The following ANKDD1A variants were observed in gnomAD, a reference collection of about 807,000 sequenced individuals.
ANKDD1A encodes the protein ankyrin repeat and death domain-containing protein 1A.
ANKDD1A carries 59 observed loss-of-function variants against 63.5 expected under a neutral mutation model. That is an observed-to-expected ratio of 0.93 (90% CI 0.75 to 1.15). The LOEUF (loss-of-function observed/expected upper bound fraction) is 1.15. Ranked by LOEUF, ANKDD1A falls within the 50% of genes most tolerant of loss-of-function variation. ANKDD1A has a pLI of 0.00. For synonymous variants in ANKDD1A, 266 were observed against 263.9 expected (o/e 1.01, Z -0.08); for missense variants, 632 against 656.4 (o/e 0.96, Z 0.41).
At chr15:64,924,198 G>A (rs149682315) in intron 4 of ANKDD1A, among the ~76,000 whole-genome samples, 1 of 152,350 alleles carries the variant, frequency 6.6e-6, no homozygotes, top group East Asian at 1.9e-4. Flanking sequence ...CTGGGATGGT[G>A]CAGCTGGTTT....
intron 12 of ANKDD1A, 149 bp from the exon 13 acceptor site, chr15:64,947,255 A>G: frequency 1.4e-6 from 1 of 704,944 alleles, no homozygotes; most frequent in South Asian, 2.0e-5. Flanking sequence ...AAACCAGAAG[A>G]GAGGACATTA....
chr15:64,951,772 TCTTTC>T (rs1360048803), intron 14 of ANKDD1A, among the ~76,000 whole-genome samples: 4 of 146,744 alleles, frequency 2.7e-5, no homozygotes, highest in East Asian at 1.9e-4. Context: ...CTTTTCTTCT[TCTTTC>T]CTTTCTTCTT....
intron 6 of ANKDD1A, among the ~76,000 whole-genome samples, chr15:64,927,933 C>G (rs1372422947): frequency 6.6e-6 from 1 of 152,150 alleles, no homozygotes; most frequent in African/African-American, 2.4e-5. Context: ...ATGATGCCTC[C>G]AACAAAGAGA....
chr15:64,947,516 C>A lies in ANKDD1A; in HGVS notation c.1274C>A (p.Pro425His), dbSNP rs1256014198. The A allele has an allele frequency of 2.5e-6, 4 of 1,614,114 alleles. No homozygotes were observed. The South Asian group carries it at 3.3e-5, about 13-fold the overall frequency. ...LWRLASRYLQ[P>H]REWKKLAYSW... ...CGGCTGGCCTCCAGGTATCTGCAGC[C>A]CCGTGAGTGGAAGAAGCTGGCATAT... Residue 425 changes from proline to histidine, a missense_variant, in exon 13 of 15, where the codon CCC (proline) becomes CAC (histidine). Coordinates refer to ENST00000319580, the MANE Select transcript of ANKDD1A (RefSeq NM_182703.6).
intron 3 of ANKDD1A, among the ~76,000 whole-genome samples, chr15:64,920,523 C>T (rs1267274058): frequency 6.6e-6 from 1 of 152,138 alleles, no homozygotes; most frequent in Non-Finnish European, 1.5e-5. Context: ...CAGACTTAAG[C>T]TATCTGCCTT....
intron 14 of ANKDD1A, among the ~76,000 whole-genome samples, chr15:64,955,620 G>A (rs1460418652): frequency 1.3e-5 from 2 of 152,166 alleles, no homozygotes; most frequent in African/African-American, 4.8e-5. Context: ...CCCAGAGGCT[G>A]TTTCTGTCTC....
chr15:64,946,472 A>C (rs2085223985), intron 12 of ANKDD1A, among the ~76,000 whole-genome samples: 2 of 152,218 alleles, frequency 1.3e-5, no homozygotes, highest in Admixed American at 1.3e-4. Context: ...ATATAATCCC[A>C]AAATGTTAAT....
At chr15:64,953,207 CTCCTT>C (rs2085334441) in intron 14 of ANKDD1A, among the ~76,000 whole-genome samples, 3 of 93,434 alleles carry the variant, frequency 3.2e-5, no homozygotes, top group Admixed American at 1.4e-4. Context: ...ATTCTTTCTT[CTCCTT>C]CTTTCTTGTT....
intron 14 of ANKDD1A, chr15:64,951,177 T>C: frequency 9.4e-7 from 1 of 1,061,110 alleles, no homozygotes; most frequent in Non-Finnish European, 1.1e-6. Flanking sequence ...GGCAAATGTT[T>C]GTACACTGAT....
At chr15:64,952,743 TCTTTCCTCTTCTC>T (rs2085319143) in intron 14 of ANKDD1A, among the ~76,000 whole-genome samples, 2 of 96,234 alleles carry the variant, frequency 2.1e-5, no homozygotes, top group Non-Finnish European at 4.5e-5. Flanking sequence ...TCTTCCTCCT[TCTTTCCTCTTCTC>T]CTCCTCCTCC....
intron 9 of ANKDD1A, among the ~76,000 whole-genome samples, chr15:64,937,999 CAG>C (rs1403049010): frequency 2.6e-5 from 4 of 152,054 alleles, no homozygotes; most frequent in Admixed American, 6.5e-5. Context: ...CAAAAGGACA[CAG>C]GGGCCACCAG....
chr15:64,953,631 C>CTTCT (rs2085352127), intron 14 of ANKDD1A, among the ~76,000 whole-genome samples: 1 of 2,224 alleles, frequency 4.5e-4, no homozygotes, highest in African/African-American at 8.5e-4. Flanking sequence ...CTTCTTCTTC[C>CTTCT]TTCTTCTTCC....
At chr15:64,921,392 T>C (rs187901298) in intron 3 of ANKDD1A, among the ~76,000 whole-genome samples, 3 of 152,332 alleles carry the variant, frequency 2.0e-5, no homozygotes, top group African/African-American at 7.2e-5. Context: ...TTGTTTGTTT[T>C]GAGACGAAGT....
intron 1 of ANKDD1A, among the ~76,000 whole-genome samples, chr15:64,912,265 C>T (rs962781325): frequency 1.1e-4 from 17 of 152,180 alleles, no homozygotes; most frequent in African/African-American, 4.1e-4. Flanking sequence ...GTGTGCCAGG[C>T]CTTGACCCAG....
Position 64,931,562 on chromosome 15 carries a change from A to T in ANKDD1A, c.745A>T (p.Ser249Cys), listed in dbSNP as rs2085091510. 1 of 1,613,838 alleles carries T rather than the reference A, an allele frequency of 6.2e-7. No homozygotes were observed. Among genetic ancestry groups the T allele is most frequent in the Admixed American group, 1.7e-5 (1 of 59,996 alleles). ...DCVQLLLRAG[S>C]TVNALTQKNL... The stretch of plus-strand genomic sequence containing the variant: ...TGTGCAGCTCCTCCTCAGGGCTGGG[A>T]GCACCGTGAATGCCCTCACCCAGGT... The change falls in exon 8 of 15, where the codon AGC (serine) becomes TGC (cysteine). Residue 249 changes from serine to cysteine, a missense_variant. Coordinates refer to ENST00000319580, the MANE Select transcript of ANKDD1A (RefSeq NM_182703.6).
chr15:64,952,794 CT>C (rs1491117830), intron 14 of ANKDD1A, among the ~76,000 whole-genome samples: 2 of 96,886 alleles, frequency 2.1e-5, no homozygotes, highest in Non-Finnish European at 4.4e-5. Flanking sequence ...TCTCCTTCTT[CT>C]TTTCTTCTCC....
At chr15:64,925,227 C>CAAAA (rs769786433) in intron 4 of ANKDD1A, among the ~76,000 whole-genome samples, 74 of 42,144 alleles carry the variant, frequency 1.8e-3, no homozygotes, top group Non-Finnish European at 2.6e-3. Context: ...GACTCCGACT[C>CAAAA]AAAAAAAAAA....
At position 64,953,591 on chromosome 15, in the gene ANKDD1A, TCTC is replaced by T. The variant is rs2085348498; in HGVS notation, c.1484-3509_1484-3507del. 8.6e-5 allele frequency among the ~76,000 whole-genome samples: 9 copies of T among 105,098 alleles called. No individual in the cohort carries two copies. In the South Asian group the frequency reaches 3.0e-3, roughly 35 times the overall value. The allele number at this position is 105,098 out of a possible 152,430, so 68.9% of individuals were successfully genotyped here. A position where few individuals can be genotyped will look rare whatever the true frequency, so the allele number is the denominator to read the frequency against. On this transcript the variant is annotated intron_variant, in intron 14 of 14. Transcript: ENST00000319580. ...CTTCTTCTTAGTTCTTCTTCTTCCT[TCTC>T]CTTTTCTTCTTTCTTCTCTCCTTCT... is the stretch of plus-strand genomic sequence containing the variant.
intron 3 of ANKDD1A, 62 bp downstream of exon 3, chr15:64,917,576 C>T: frequency 3.3e-6 from 5 of 1,513,508 alleles, no homozygotes; most frequent in Non-Finnish European, 4.5e-6. Flanking sequence ...CTCTCTGGGT[C>T]TATGAGCCAG....
Sources: gnomAD v4.1 joint callset for allele counts (sites outside exome capture counted in the v4.1 genomes callset) on GRCh38, gnomAD v4.1.1 for gene constraint, MANE v1.5 for transcripts, NCBI Gene and HGNC (gene_info 2026-07-23, HGNC 2026-07-21) for gene names.